Variants in MICU1 observed in about 807,000 individuals in gnomAD.
MICU1 encodes the protein mitochondrial calcium uptake 1.
Under a neutral mutation model 56.8 loss-of-function variants are expected in MICU1, and 45 were observed. The ratio of observed to expected loss-of-function variants is 0.79; its 90% CI spans 0.62 to 1.02. MICU1 has a LOEUF of 1.02. Among genes scored for constraint, MICU1 ranks in the 50% least tolerant of loss-of-function variants. The probability of loss-of-function intolerance (pLI) is 0.00; values close to 1 mark genes in which losing one functional copy is unlikely to be tolerated. For synonymous variants in MICU1, 186 were observed against 195.1 expected, an observed-to-expected ratio of 0.95 and a Z score of 0.39; for missense variants, 504 against 587.1, an observed-to-expected ratio of 0.86 and a Z score of 1.46.
chr10:72,550,612 C>T (rs945262527), intron 4 of MICU1, among the ~76,000 whole-genome samples: 1 of 152,144 alleles, frequency 6.6e-6, no homozygotes. Flanking sequence ...TTTTCATAAC[C>T]AATCAATATA....
Position 72,551,211 on chromosome 10 carries a change from C to T in MICU1, c.461G>A (p.Arg154Gln), listed in dbSNP as rs748149101. ...EVFMTPEDFVRSITPNEKQPE... is the reference protein window; with the variant it reads ...EVFMTPEDFVQSITPNEKQPE... ...TTGTTTTTCATTGGGTGTTATGGAT[C>T]GCACAAAATCTTCTGGTGTCATAAA... Residue 154 changes from arginine to glutamine, a missense_variant, in exon 4 of 12, where the codon CGA (arginine) becomes CAA (glutamine). Coordinates refer to ENST00000361114, the MANE Select transcript of MICU1 (RefSeq NM_001195518.2). 3.1e-6 allele frequency: 5 copies of T among 1,608,042 alleles called. No homozygotes were observed. Among genetic ancestry groups the T allele is most frequent in the South Asian group, 1.1e-5 (1 of 90,024 alleles).
chr10:72,588,872 A>C (rs1280991458), intron 1 of MICU1, among the ~76,000 whole-genome samples: 1 of 152,228 alleles, frequency 6.6e-6, no homozygotes, highest in East Asian at 1.9e-4. Flanking sequence ...AGGTTGAGCC[A>C]ATGCCTTGAA....
chr10:72,383,852 G>A (rs1043973513), intron 10 of MICU1, among the ~76,000 whole-genome samples: 4 of 152,068 alleles, frequency 2.6e-5, no homozygotes, highest in Admixed American at 2.6e-4. Context: ...AGGCTAGAGT[G>A]CTGTGGCAAG....
At chr10:72,590,798 G>A (rs1841202566) in intron 1 of MICU1, among the ~76,000 whole-genome samples, 1 of 151,012 alleles carries the variant, frequency 6.6e-6, no homozygotes. Context: ...GGGAGACAGA[G>A]TGAGACACGG....
intron 2 of MICU1, 109 bp downstream of exon 2, chr10:72,566,524 C>T: frequency 8.8e-7 from 1 of 1,142,802 alleles, no homozygotes; most frequent in Middle Eastern, 2.3e-4. Context: ...ATGATCCGAG[C>T]AAGAAATTCT....
intron 6 of MICU1, among the ~76,000 whole-genome samples, chr10:72,492,927 G>A (rs1227629469): frequency 2.0e-5 from 3 of 151,322 alleles, no homozygotes; most frequent in Non-Finnish European, 4.4e-5. Context: ...GACCAGTCTG[G>A]CCAACATGGT....
At chr10:72,371,280 G>A (rs1455744339) in intron 11 of MICU1, among the ~76,000 whole-genome samples, 8 of 151,292 alleles carry the variant, frequency 5.3e-5, no homozygotes, top group Admixed American at 2.0e-4. Context: ...CCAGCTACTC[G>A]GGAGGCTGAG....
At chr10:72,432,849 A>C (rs1864585510) in intron 8 of MICU1, among the ~76,000 whole-genome samples, 1 of 152,170 alleles carries the variant, frequency 6.6e-6, no homozygotes, top group African/African-American at 2.4e-5. Context: ...TATCCAAACC[A>C]CATCACTCAG....
At chr10:72,573,352 A>C (rs892729106) in intron 1 of MICU1, among the ~76,000 whole-genome samples, 29 of 138,674 alleles carry the variant, frequency 2.1e-4, no homozygotes, top group African/African-American at 7.5e-4. Context: ...CAACATATGG[A>C]ATACCACATA....
intron 6 of MICU1, among the ~76,000 whole-genome samples, chr10:72,491,992 C>T (rs1866672395): frequency 6.6e-6 from 1 of 152,150 alleles, no homozygotes; most frequent in South Asian, 2.1e-4. Flanking sequence ...CCCCTCCAAA[C>T]ATCCCTAACT....
chr10:72,416,827 G>A (rs1040642635), intron 9 of MICU1, among the ~76,000 whole-genome samples: 2 of 152,114 alleles, frequency 1.3e-5, no homozygotes, highest in Non-Finnish European at 2.9e-5. Context: ...ACCTTTAATA[G>A]AGTACTCAAC....
intron 6 of MICU1, chr10:72,477,565 A>C (rs1251746609): frequency 2.6e-6 from 4 of 1,534,214 alleles, no homozygotes; most frequent in Non-Finnish European, 3.5e-6. Context: ...TTAGCTTAGT[A>C]ATATTAACGT....
At chr10:72,573,930 C>T (rs916625262) in intron 1 of MICU1, among the ~76,000 whole-genome samples, 3 of 152,176 alleles carry the variant, frequency 2.0e-5, no homozygotes, top group African/African-American at 7.2e-5. Context: ...AGTACTGGCA[C>T]ATTCTTACAC....
At chr10:72,601,428 T>TA (rs77385847) in intron 1 of MICU1, among the ~76,000 whole-genome samples, 2,772 of 90,840 alleles carry the variant, frequency 0.031, 94 homozygotes, top group African/African-American at 0.087. Flanking sequence ...ACCCTGTCTT[T>TA]AAAAAAAAAA....
chr10:72,580,719 C>A (rs930172512), intron 1 of MICU1, among the ~76,000 whole-genome samples: 3 of 152,172 alleles, frequency 2.0e-5, no homozygotes, highest in African/African-American at 7.2e-5. Context: ...TCAGGTGATC[C>A]ACCCACCTCA....
At chr10:72,448,121 A>ATG (rs150733309) in intron 8 of MICU1, among the ~76,000 whole-genome samples, 40,631 of 121,440 alleles carry the variant, frequency 0.33, 7,086 homozygotes, top group East Asian at 0.68. Flanking sequence ...GTTTATATAT[A>ATG]TGTGTGTGTG....
At chr10:72,431,543 A>G (rs957064526) in intron 8 of MICU1, among the ~76,000 whole-genome samples, 1 of 152,194 alleles carries the variant, frequency 6.6e-6, no homozygotes, top group Non-Finnish European at 1.5e-5. Context: ...GTGCTGATGA[A>G]AGAAAAACAA....
intron 1 of MICU1, among the ~76,000 whole-genome samples, chr10:72,593,268 T>C (rs1363582035): frequency 6.6e-6 from 1 of 152,062 alleles, no homozygotes; most frequent in Non-Finnish European, 1.5e-5. Flanking sequence ...TTCAACATAG[T>C]ACTAAGTTCT....
intron 1 of MICU1, among the ~76,000 whole-genome samples, chr10:72,605,479 C>T (rs1002144867): frequency 6.6e-6 from 1 of 152,220 alleles, no homozygotes; most frequent in Non-Finnish European, 1.5e-5. Flanking sequence ...TCTTAATAAA[C>T]TTGCTCACTT....
Sources: gnomAD v4.1 joint callset for allele counts (sites outside exome capture counted in the v4.1 genomes callset) on GRCh38, gnomAD v4.1.1 for gene constraint, MANE v1.5 for transcripts, NCBI Gene and HGNC (gene_info 2026-07-23, HGNC 2026-07-21) for gene names.